Variants in SOBP observed in about 807,000 individuals in gnomAD.
SOBP encodes sine oculis binding protein homolog.
A neutral mutation model predicts 53.6 loss-of-function variants in SOBP; 4 were observed. That is an observed-to-expected ratio of 0.07 (90% CI 0.04 to 0.17). The LOEUF is 0.17. Among genes scored for constraint, SOBP ranks in the 10% least tolerant of loss-of-function variants. The pLI is 1.00. For missense variants in SOBP, 1,088 were observed against 1,204.7 expected, an observed-to-expected ratio of 0.90 and a Z score of 1.43; for synonymous variants, 584 against 522.6, an observed-to-expected ratio of 1.12 and a Z score of -1.60.
rs181456706 is a variant in SOBP, at chr6:107,653,778, G to A, written c.*4-4429G>A. Among the ~76,000 whole-genome samples the A allele has an allele frequency of 1.4e-4, 22 of 152,336 alleles. No homozygotes were observed. In the East Asian group the frequency reaches 4.0e-3, roughly 28 times the overall value. On this transcript the variant is annotated intron_variant, in intron 6 of 6. Coordinates refer to ENST00000317357, the MANE Select transcript of SOBP (RefSeq NM_018013.4). The stretch of plus-strand genomic sequence containing the variant: ...AGAGCTAGTTTGGAAATGTTGGGAT[G>A]TAGAATAAGACAGACATTTTTCTCT...
chr6:107,619,534 T>C (rs1786925199), intron 5 of SOBP, among the ~76,000 whole-genome samples: 1 of 152,094 alleles, frequency 6.6e-6, no homozygotes, highest in African/African-American at 2.4e-5. Context: ...TTGGTGGATC[T>C]AGTGTTTCTC....
At chr6:107,619,613 A>G (rs1270870810) in intron 5 of SOBP, among the ~76,000 whole-genome samples, 1 of 152,140 alleles carries the variant, frequency 6.6e-6, no homozygotes. Flanking sequence ...GGTGGGGGGC[A>G]GTTGGAATGG....
At chr6:107,593,475 G>A (rs1471233379) in intron 5 of SOBP, among the ~76,000 whole-genome samples, 1 of 152,198 alleles carries the variant, frequency 6.6e-6, no homozygotes, top group Non-Finnish European at 1.5e-5. Context: ...AGGGAGGTAT[G>A]GAAGACTGTG....
At chr6:107,596,578 G>C (rs761376192) in intron 5 of SOBP, among the ~76,000 whole-genome samples, 3 of 152,166 alleles carry the variant, frequency 2.0e-5, no homozygotes, top group Non-Finnish European at 2.9e-5. Flanking sequence ...CAAGTGAAAT[G>C]TTAAATCAAT....
chr6:107,553,271 T>A (rs1583204511), intron 4 of SOBP, among the ~76,000 whole-genome samples: 1 of 151,498 alleles, frequency 6.6e-6, no homozygotes, highest in East Asian at 1.9e-4. Context: ...ATGGACTTTC[T>A]GAAATCCACT....
At chr6:107,576,113 C>CAGGTCAAGTGGCATGTGGATCATA (rs1785217079) in intron 4 of SOBP, among the ~76,000 whole-genome samples, 2 of 152,180 alleles carry the variant, frequency 1.3e-5, no homozygotes, top group Non-Finnish European at 2.9e-5. Context: ...CCTCCGTTAA[C>CAGGTCAAGTGGCATGTGGATCATA]AGGTCAAGTG....
intron 1 of SOBP, among the ~76,000 whole-genome samples, chr6:107,500,574 T>G (rs1016658600): frequency 1.3e-5 from 2 of 151,668 alleles, no homozygotes; most frequent in Admixed American, 1.3e-4. Flanking sequence ...CAGGCTGGAG[T>G]GCAGTGGCGC....
At chr6:107,495,349 T>C (rs983962971) in intron 1 of SOBP, among the ~76,000 whole-genome samples, 4 of 152,154 alleles carry the variant, frequency 2.6e-5, no homozygotes, top group African/African-American at 7.2e-5. Context: ...GATGGTTATG[T>C]ATTATGGTCT....
At chr6:107,562,990 A>C (rs1336803356) in intron 4 of SOBP, among the ~76,000 whole-genome samples, 2 of 152,188 alleles carry the variant, frequency 1.3e-5, no homozygotes, top group African/African-American at 4.8e-5. Flanking sequence ...TCATAATACA[A>C]ATTTTGAGAG....
At position 107,644,072 on chromosome 6, in the gene SOBP, C is replaced by T. The variant is rs115066137; in HGVS notation, c.*3+8603C>T. On this transcript the variant is annotated intron_variant, in intron 6 of 6. Coordinates refer to ENST00000317357, the MANE Select transcript of SOBP (RefSeq NM_018013.4). ...ATCCCAGCACATTGGGAGGCCAAGG[C>T]GGGTGGATCAGACTTAGGTCAGGAG... is the stretch of plus-strand genomic sequence containing the variant. Among the ~76,000 whole-genome samples, 938 of 152,286 alleles carry T rather than the reference C, an allele frequency of 6.2e-3. 7 individuals carry two copies. The highest frequency in any genetic ancestry group is 0.02 in the South Asian group (97 of 4,824).
intron 4 of SOBP, among the ~76,000 whole-genome samples, chr6:107,545,152 T>C (rs1287685104): frequency 6.6e-6 from 1 of 152,184 alleles, no homozygotes; most frequent in African/African-American, 2.4e-5. Flanking sequence ...TGAATGTGGT[T>C]GAAAGATAAA....
intron 3 of SOBP, among the ~76,000 whole-genome samples, chr6:107,524,683 A>G (rs1451528647): frequency 3.9e-5 from 6 of 152,232 alleles, no homozygotes; most frequent in Non-Finnish European, 8.8e-5. Flanking sequence ...CACTGGCCAC[A>G]TGGCTGCAGA....
chr6:107,575,835 C>A (rs1583228882), intron 4 of SOBP, among the ~76,000 whole-genome samples: 1 of 152,252 alleles, frequency 6.6e-6, no homozygotes, highest in East Asian at 1.9e-4. Flanking sequence ...CTTCAACAGG[C>A]GTGTCCCTAA....
intron 5 of SOBP, among the ~76,000 whole-genome samples, chr6:107,628,421 G>A (rs1056962214): frequency 6.6e-6 from 1 of 152,186 alleles, no homozygotes; most frequent in Non-Finnish European, 1.5e-5. Context: ...AGTTTGCCCA[G>A]AGAGAAACGT....
At chr6:107,582,369 G>C (rs1035859279) in intron 4 of SOBP, among the ~76,000 whole-genome samples, 1 of 152,186 alleles carries the variant, frequency 6.6e-6, no homozygotes, top group African/African-American at 2.4e-5. Context: ...GAGGGAAAGA[G>C]AGGTGAATAC....
chr6:107,591,894 C>G (rs1229000141), intron 5 of SOBP, among the ~76,000 whole-genome samples: 1 of 151,926 alleles, frequency 6.6e-6, no homozygotes, highest in Non-Finnish European at 1.5e-5. Context: ...CTTCCCCGCA[C>G]CCCCTCCCAC....
Position 107,506,196 on chromosome 6 carries a change from C to T in SOBP, c.236-46C>T, listed in dbSNP as rs146772838. 1.0e-4 allele frequency: 158 copies of T among 1,537,800 alleles called. No individual in the cohort carries two copies. In the African/African-American group the frequency reaches 2.0e-3, roughly 19 times the overall value. On this transcript the variant is annotated intron_variant, in intron 2 of 6. Transcript: ENST00000317357. ...AATAAGGAAAAATTTAAGTCTACTG[C>T]ATTACATTCCTTGGTCACATTGAAT...
chr6:107,620,667 A>G (rs1482959957), intron 5 of SOBP, among the ~76,000 whole-genome samples: 2 of 152,206 alleles, frequency 1.3e-5, no homozygotes, highest in Non-Finnish European at 2.9e-5. Flanking sequence ...TCTGTATCAA[A>G]GGCATGCCTT....
chr6:107,547,963 G>A (rs1784349550), intron 4 of SOBP, among the ~76,000 whole-genome samples: 1 of 152,190 alleles, frequency 6.6e-6, no homozygotes, highest in African/African-American at 2.4e-5. Context: ...TTAGACTACT[G>A]CAGGTGAATG....
Sources: gnomAD v4.1 joint callset for allele counts (sites outside exome capture counted in the v4.1 genomes callset) on GRCh38, gnomAD v4.1.1 for gene constraint, MANE v1.5 for transcripts, NCBI Gene and HGNC (gene_info 2026-07-23, HGNC 2026-07-21) for gene names.